ARHGEF28: variants seen among roughly 807,000 people sequenced by gnomAD.
The protein encoded by ARHGEF28 is 190 kDa guanine nucleotide exchange factor.
Under a neutral mutation model 206.6 loss-of-function variants are expected in ARHGEF28, and 152 were observed. The observed-to-expected ratio is 0.74, with a 90% confidence interval of 0.64 to 0.84. ARHGEF28 has a LOEUF of 0.84. ARHGEF28 is among the 40% of genes least tolerant of loss of function. The pLI is 0.00. For synonymous variants in ARHGEF28, 763 were observed against 776.4 expected, an observed-to-expected ratio of 0.98 and a Z score of 0.29; for missense variants, 2,028 against 2,073.2, an observed-to-expected ratio of 0.98 and a Z score of 0.42.
Position 73,872,120 on chromosome 5 carries a change from G to A in ARHGEF28, c.2567-879G>A, listed in dbSNP as rs566257944. Among the ~76,000 whole-genome samples, 34 of 152,196 alleles carry A rather than the reference G, an allele frequency of 2.2e-4. 1 individual carries two copies. Among genetic ancestry groups the A allele is most frequent in the Non-Finnish European group, 4.3e-4 (29 of 68,008 alleles). ...GCATTCCCACCAGCAATGTATGAGG[G>A]TTCCAGTTTCTCCACATCCTCACCA... On this transcript the variant is annotated intron_variant, in intron 21 of 35. Coordinates refer to ENST00000513042, the MANE Select transcript of ARHGEF28 (RefSeq NM_001177693.2).
chr5:73,895,372 G>A (rs374869177), intron 29 of ARHGEF28, among the ~76,000 whole-genome samples: 87 of 152,124 alleles, frequency 5.7e-4, no homozygotes, highest in African/African-American at 1.8e-3. Context: ...CAGGATTAGC[G>A]CTAGTGGGAG....
rs746493222 is a variant in ARHGEF28, at chr5:73,776,713, T to C, written c.840+17T>C. The C allele has an allele frequency of 1.3e-6, 2 of 1,589,944 alleles. No homozygotes were observed. The highest frequency in any genetic ancestry group is 8.6e-7 in the Non-Finnish European group (1 of 1,164,048). ...CTTGTCAAGGTTTGTACATAGTGAT[T>C]CTAGCATGTGATAATGCATGCTTCA... On this transcript the variant is annotated intron_variant, in intron 6 of 35. Transcript: ENST00000513042.
chr5:73,766,251 A>G (rs943083109), intron 4 of ARHGEF28, among the ~76,000 whole-genome samples: 5 of 152,244 alleles, frequency 3.3e-5, no homozygotes, highest in South Asian at 2.1e-4. Context: ...GTTGTGAAAC[A>G]TTACTTAGCC....
At chr5:73,686,339 A>G (rs1028796460) in intron 2 of ARHGEF28, among the ~76,000 whole-genome samples, 2 of 152,092 alleles carry the variant, frequency 1.3e-5, no homozygotes, top group Admixed American at 1.3e-4. Context: ...ACAAATCCAC[A>G]AGCCTAATCG....
At chr5:73,727,929 G>A (rs1472959092) in intron 2 of ARHGEF28, among the ~76,000 whole-genome samples, 1 of 152,166 alleles carries the variant, frequency 6.6e-6, no homozygotes, top group Admixed American at 6.5e-5. Context: ...GTATCAAACT[G>A]CTGCCCCATC....
intron 2 of ARHGEF28, among the ~76,000 whole-genome samples, chr5:73,714,095 G>A (rs1050688651): frequency 2.0e-5 from 3 of 152,140 alleles, no homozygotes; most frequent in African/African-American, 7.2e-5. Flanking sequence ...CTGTGTCTTG[G>A]TTTTCTCCAG....
chr5:73,890,634 C>T (rs1761567292), intron 26 of ARHGEF28, among the ~76,000 whole-genome samples: 1 of 152,162 alleles, frequency 6.6e-6, no homozygotes, highest in Non-Finnish European at 1.5e-5. Flanking sequence ...TACTCTGGGT[C>T]ACCATGGCAC....
intron 7 of ARHGEF28, among the ~76,000 whole-genome samples, chr5:73,793,980 G>A (rs6885442): frequency 0.11 from 17,032 of 151,998 alleles, 2,189 homozygotes; most frequent in African/African-American, 0.32. Context: ...AATGAATTAC[G>A]CTCTTTTAAA....
At chr5:73,808,399 C>T (rs894828923) in intron 9 of ARHGEF28, among the ~76,000 whole-genome samples, 3 of 152,094 alleles carry the variant, frequency 2.0e-5, no homozygotes. Flanking sequence ...AGAGTGACAG[C>T]GTCTTGGCAC....
intron 22 of ARHGEF28, among the ~76,000 whole-genome samples, chr5:73,875,817 C>T (rs1760437660): frequency 1.3e-5 from 2 of 152,194 alleles, no homozygotes; most frequent in African/African-American, 4.8e-5. Flanking sequence ...GTTTTGGTTA[C>T]TGTAGCCTTG....
At chr5:73,675,576 C>CA (rs1369263528) in intron 1 of ARHGEF28, among the ~76,000 whole-genome samples, 1 of 151,384 alleles carries the variant, frequency 6.6e-6, no homozygotes, top group Non-Finnish European at 1.5e-5. Flanking sequence ...ACTAAAAATA[C>CA]AAAAAAATTA....
At chr5:73,787,298 A>C (rs1754221766) in intron 7 of ARHGEF28, among the ~76,000 whole-genome samples, 1 of 152,186 alleles carries the variant, frequency 6.6e-6, no homozygotes, top group South Asian at 2.1e-4. Flanking sequence ...GCACTTGAAA[A>C]TATTGTTTTC....
At chr5:73,830,280 G>A (rs1460831707) in intron 9 of ARHGEF28, among the ~76,000 whole-genome samples, 3 of 152,134 alleles carry the variant, frequency 2.0e-5, no homozygotes, top group East Asian at 1.9e-4. Context: ...CTGGCCGGGC[G>A]TGGTGGCTCA....
At chr5:73,810,637 TA>T (rs1755787162) in intron 9 of ARHGEF28, among the ~76,000 whole-genome samples, 1 of 152,210 alleles carries the variant, frequency 6.6e-6, no homozygotes, top group African/African-American at 2.4e-5. Flanking sequence ...GTGCTTGTTG[TA>T]AATTATTGCA....
chr5:73,645,973 A>C (rs1014775068), intron 1 of ARHGEF28, among the ~76,000 whole-genome samples: 2 of 152,020 alleles, frequency 1.3e-5, no homozygotes, highest in Admixed American at 6.6e-5. Flanking sequence ...ACCATACTTA[A>C]GCACTGGGTG....
chr5:73,642,056 T>G (rs2112141765), intron 1 of ARHGEF28, among the ~76,000 whole-genome samples: 1 of 152,312 alleles, frequency 6.6e-6, no homozygotes, highest in African/African-American at 2.4e-5. Context: ...AAGCCCTTGC[T>G]CTCATCACTT....
At chr5:73,890,391 C>T (rs1761553359) in intron 26 of ARHGEF28, among the ~76,000 whole-genome samples, 2 of 152,170 alleles carry the variant, frequency 1.3e-5, no homozygotes, top group Admixed American at 6.5e-5. Context: ...CTATAAAGTA[C>T]ATTGCACATT....
chr5:73,729,149 G>C (rs926263822), intron 2 of ARHGEF28, among the ~76,000 whole-genome samples: 2 of 152,110 alleles, frequency 1.3e-5, no homozygotes, highest in African/African-American at 4.8e-5. Flanking sequence ...AGACTGCCTG[G>C]CTCAGCCTCC....
At chr5:73,724,870 T>C (rs1580530461) in intron 2 of ARHGEF28, among the ~76,000 whole-genome samples, 1 of 152,354 alleles carries the variant, frequency 6.6e-6, no homozygotes, top group South Asian at 2.1e-4. Flanking sequence ...TACACAGATT[T>C]CATGTGAATA....
Sources: allele counts gnomAD v4.1 joint callset (sites outside exome capture counted in the v4.1 genomes callset), GRCh38; gene constraint gnomAD v4.1.1; transcripts MANE v1.5; gene names NCBI Gene and HGNC (gene_info 2026-07-23, HGNC 2026-07-21).